ABLIM2: variants seen among roughly 807,000 people sequenced by gnomAD.
ABLIM2 encodes actin binding LIM protein family member 2, also known as actin-binding LIM protein 2.
A neutral mutation model predicts 97.7 loss-of-function variants in ABLIM2; 53 were observed. The observed-to-expected ratio is 0.54, with a 90% CI of 0.44 to 0.68. The LOEUF is 0.68. Among genes scored for constraint, ABLIM2 ranks in the 30% least tolerant of loss-of-function variants. The pLI, the probability that ABLIM2 is intolerant of heterozygous loss-of-function variation, is 0.00. For synonymous variants in ABLIM2, 361 were observed against 345.8 expected (o/e 1.04, Z -0.49); for missense variants, 835 against 867.2 (o/e 0.96, Z 0.47).
At chr4:7,991,712 T>C (rs1263115507) in intron 17 of ABLIM2, among the ~76,000 whole-genome samples, 1 of 151,900 alleles carries the variant, frequency 6.6e-6, no homozygotes, top group African/African-American at 2.4e-5. Flanking sequence ...GGGTGAGGGG[T>C]GTGGTTTGCT....
intron 2 of ABLIM2, among the ~76,000 whole-genome samples, chr4:8,100,137 G>C (rs1430372526): frequency 6.6e-6 from 1 of 152,128 alleles, no homozygotes; most frequent in African/African-American, 2.4e-5. Context: ...AATATCATTT[G>C]GCACTGACTC....
intron 14 of ABLIM2, among the ~76,000 whole-genome samples, chr4:8,017,625 C>A (rs547683527): frequency 5.5e-4 from 83 of 152,264 alleles, no homozygotes; most frequent in African/African-American, 1.9e-3. Context: ...AATTTTGGTC[C>A]TTGCTTAGGG....
chr4:8,049,492 A>G (rs1794657735), intron 8 of ABLIM2, among the ~76,000 whole-genome samples: 1 of 152,214 alleles, frequency 6.6e-6, no homozygotes, highest in African/African-American at 2.4e-5. Context: ...GGTTCAGGCC[A>G]TGATGGGAAG....
Position 8,148,870 on chromosome 4 carries a change from G to A in ABLIM2, c.10+9810C>T, listed in dbSNP as rs1486841107. The stretch of plus-strand genomic sequence containing the variant: ...ACCCCTATCTCCTCCCAGAGCTGCT[G>A]ATGTACCAAGAAACCTGGGCTCCGC... On this transcript the variant is annotated intron_variant, in intron 1 of 20. Coordinates refer to ENST00000447017, the MANE Select transcript of ABLIM2 (RefSeq NM_001130083.2). The surrounding 1 kb of genome is among the most constrained non-coding windows in gnomAD (Gnocchi z 6.7). Among the ~76,000 whole-genome samples the A allele has an allele frequency of 1.3e-5, 2 of 152,196 alleles. No individual in the cohort carries two copies. The highest frequency in any genetic ancestry group is 1.9e-4 in the East Asian group (1 of 5,192).
rs1281594574 is a variant in ABLIM2, at chr4:8,001,738, C to T, written c.1618+6321G>A. Among the ~76,000 whole-genome samples, 5 of 152,152 alleles carry T rather than the reference C, an allele frequency of 3.3e-5. No homozygotes were observed. Among genetic ancestry groups the T allele is most frequent in the Non-Finnish European group, 7.4e-5 (5 of 68,012 alleles). On this transcript the variant is annotated intron_variant, in intron 16 of 20. Transcript: ENST00000447017. The surrounding 1 kb of genome is among the most constrained non-coding windows in gnomAD (Gnocchi z 4.2). ...GGCCACGCCTGAGCCCCCAGCTCTC[C>T]CTGGGCTGTCCCTCCACGCCCTTTC... is the stretch of plus-strand genomic sequence containing the variant.
At position 7,986,500 on chromosome 4, in the gene ABLIM2, T is replaced by A. The variant is rs1744253731; in HGVS notation, c.1681-1607A>T. ...TTTTGCTATTTTGTTTATCGTGAAATTTTTTACATTAATTTGGATTTCTAA... is the reference window on the plus strand; with the variant it reads ...TTTTGCTATTTTGTTTATCGTGAAAATTTTTACATTAATTTGGATTTCTAA... On this transcript the variant is annotated intron_variant, in intron 17 of 20. Coordinates refer to ENST00000447017, the MANE Select transcript of ABLIM2 (RefSeq NM_001130083.2). The surrounding 1 kb of genome is among the most constrained non-coding windows in gnomAD (Gnocchi z 4.3). Among the ~76,000 whole-genome samples, 1 of 152,156 alleles carries A rather than the reference T, an allele frequency of 6.6e-6. No homozygotes were observed. Among genetic ancestry groups the A allele is most frequent in the African/African-American group, 2.4e-5 (1 of 41,436 alleles).
chr4:8,080,682 A>G lies in ABLIM2; in HGVS notation c.575T>C (p.Ile192Thr). 1 of 1,605,386 alleles carries G rather than the reference A, an allele frequency of 6.2e-7. No individual in the cohort carries two copies. Among genetic ancestry groups the G allele is most frequent in the South Asian group, 1.1e-5 (1 of 89,984 alleles). ...SCGKLLNAEY[I>T]SKDGLPYCEA... Reference sequence around the variant, plus strand: ...GAGCCCTCCCCCCACTTACTTGCTGATGTACTCGGCATTCAGGAGCTTCCC... The same window carrying G: ...GAGCCCTCCCCCCACTTACTTGCTGGTGTACTCGGCATTCAGGAGCTTCCC... The change falls in exon 5 of 21, where the codon ATC becomes ACC. Residue 192 changes from isoleucine to threonine, a missense_variant. Coordinates refer to ENST00000447017, the MANE Select transcript of ABLIM2 (RefSeq NM_001130083.2).
chr4:7,988,476 A>G (rs1746182536), intron 17 of ABLIM2, among the ~76,000 whole-genome samples: 1 of 152,232 alleles, frequency 6.6e-6, no homozygotes, highest in South Asian at 2.1e-4. Context: ...ATGGGACTGT[A>G]AATATTTGAG....
rs1216687977 is a variant in ABLIM2 at position 8,046,030 on chromosome 4, C to T, written c.823-789G>A. Among the ~76,000 whole-genome samples the T allele has an allele frequency of 6.6e-6, 1 of 152,190 alleles. No homozygotes were observed. The highest frequency in any genetic ancestry group is 1.5e-5 in the Non-Finnish European group (1 of 68,020). On this transcript the variant is annotated intron_variant, in intron 8 of 20. Transcript: ENST00000447017. The surrounding 1 kb of genome is among the most constrained non-coding windows in gnomAD (Gnocchi z 4.4). ...GCACCTGCTCCCACCTGACACACAACTTAGAAATGGCCCTTCGGAGCCCCC... is the reference window on the plus strand; with the variant it reads ...GCACCTGCTCCCACCTGACACACAATTTAGAAATGGCCCTTCGGAGCCCCC...
rs1381684084 is a variant in ABLIM2, at chr4:8,085,030, G to A, written c.454+3139C>T. 6.6e-6 allele frequency among the ~76,000 whole-genome samples: 1 copy of A among 152,224 alleles called. No homozygotes were observed. The highest frequency in any genetic ancestry group is 1.5e-5 in the Non-Finnish European group (1 of 68,038). On this transcript the variant is annotated intron_variant, in intron 4 of 20. Transcript: ENST00000447017. This position sits in a 1 kb window ranked among gnomAD's most constrained non-coding sequence, Gnocchi z 6.1. ...AGGGACACAGGGGACCTCCCAACGA[G>A]AGTGGTGGGGAAGCTGAGGCATGCG...
At chr4:8,020,097 G>C in intron 13 of ABLIM2, 105 bp downstream of exon 13, 1 of 1,030,914 alleles carries the variant, frequency 9.7e-7, no homozygotes, top group Non-Finnish European at 1.4e-6. Flanking sequence ...CTGGAGTGTC[G>C]TCTGGCGCCT....
chr4:8,051,127 C>T (rs1040178979), intron 8 of ABLIM2, among the ~76,000 whole-genome samples: 1 of 152,250 alleles, frequency 6.6e-6, no homozygotes, highest in Non-Finnish European at 1.5e-5. Flanking sequence ...GGCCGCTCCA[C>T]AGTAGGGGTC....
chr4:8,020,406 C>T (rs1772752811), intron 12 of ABLIM2, 103 bp from the exon 13 acceptor site: 2 of 1,057,406 alleles, frequency 1.9e-6, no homozygotes, highest in South Asian at 2.7e-5. Context: ...CCCATCTCTC[C>T]TGTCTGGTGG....
In ABLIM2 at chr4:8,043,194, C is replaced by T. The variant is rs1789886342; in HGVS notation, c.900+1970G>A. 6.6e-6 allele frequency among the ~76,000 whole-genome samples: 1 copy of T among 152,108 alleles called. No individual in the cohort carries two copies. Among genetic ancestry groups the T allele is most frequent in the South Asian group, 2.1e-4 (1 of 4,828 alleles). On this transcript the variant is annotated intron_variant, in intron 9 of 20. Coordinates refer to ENST00000447017, the MANE Select transcript of ABLIM2 (RefSeq NM_001130083.2). This position sits in a 1 kb window ranked among gnomAD's most constrained non-coding sequence, Gnocchi z 4.8. The stretch of plus-strand genomic sequence containing the variant: ...GGACAGTCCTCCCTGGGTCTTTGGA[C>T]CTGCGTCCCTGAAGGCTCCTGTGTC...
intron 16 of ABLIM2, among the ~76,000 whole-genome samples, chr4:7,997,043 T>C (rs1395856067): frequency 1.3e-5 from 2 of 152,280 alleles, no homozygotes; most frequent in East Asian, 1.9e-4. Flanking sequence ...TTTGCCAAAA[T>C]TGTTAGGTTT....
Position 8,003,543 on chromosome 4 carries a change from C to T in ABLIM2, c.1618+4516G>A, listed in dbSNP as rs966061029. On this transcript the variant is annotated intron_variant, in intron 16 of 20. Coordinates refer to ENST00000447017, the MANE Select transcript of ABLIM2 (RefSeq NM_001130083.2). The surrounding 1 kb of genome is among the most constrained non-coding windows in gnomAD (Gnocchi z 4.2). ...CCCACCCACTGTCTCTGGACCACTA[C>T]GCTCTTCTTCCAGTTTTCTTTTTTT... Among the ~76,000 whole-genome samples, 3 of 151,644 alleles carry T rather than the reference C, an allele frequency of 2.0e-5. No homozygotes were observed. Among genetic ancestry groups the T allele is most frequent in the Non-Finnish European group, 4.4e-5 (3 of 67,962 alleles).
intron 1 of ABLIM2, among the ~76,000 whole-genome samples, chr4:8,136,791 C>T (rs530348167): frequency 1.3e-5 from 2 of 152,350 alleles, no homozygotes; most frequent in South Asian, 2.1e-4. Flanking sequence ...CACGTGGCCT[C>T]GGGTCCAGCT....
At chr4:8,105,920 T>C (rs370360702) in intron 2 of ABLIM2, among the ~76,000 whole-genome samples, 11 of 152,112 alleles carry the variant, frequency 7.2e-5, no homozygotes, top group African/African-American at 2.7e-4. Flanking sequence ...CGGGCCCGGT[T>C]GGTGGGGCCT....
In ABLIM2 at chr4:8,085,944, A is replaced by T. The variant is rs116810999; in HGVS notation, c.454+2225T>A. ...TCGGCACTTCCGCCCCCTGATGGAC[A>T]GAGCACCCAGCACACCCACCCCTGC... On this transcript the variant is annotated intron_variant, in intron 4 of 20. Transcript: ENST00000447017. This position sits in a 1 kb window ranked among gnomAD's most constrained non-coding sequence, Gnocchi z 6.1. 5.3e-5 allele frequency among the ~76,000 whole-genome samples: 8 copies of T among 152,106 alleles called. No individual in the cohort carries two copies. Among genetic ancestry groups the T allele is most frequent in the Non-Finnish European group, 1.0e-4 (7 of 68,028 alleles).
Sources: gnomAD v4.1 joint callset for allele counts (sites outside exome capture counted in the v4.1 genomes callset) on GRCh38, gnomAD v4.1.1 for gene constraint, Gnocchi (gnomAD v3.1) non-coding constraint, MANE v1.5 for transcripts, NCBI Gene and HGNC (gene_info 2026-07-23, HGNC 2026-07-21) for gene names.